Variants in KCNQ1 observed in about 807,000 individuals in gnomAD.
The protein encoded by KCNQ1 is potassium voltage-gated channel subfamily Q member 1.
KCNQ1 carries 49 observed loss-of-function variants against 72.4 expected under a neutral mutation model. The ratio of observed to expected loss-of-function variants is 0.68; its 90% CI spans 0.54 to 0.86. KCNQ1 has a LOEUF of 0.86. Among genes scored for constraint, KCNQ1 ranks in the 40% least tolerant of loss-of-function variants. KCNQ1 has a pLI of 0.00. For missense variants in KCNQ1, 790 were observed against 945.1 expected (o/e 0.84, Z 2.15); for synonymous variants, 450 against 412.6 (o/e 1.09, Z -1.10).
chr11:2,482,614 A>G lies in KCNQ1; in HGVS notation c.386+37130A>G, dbSNP rs190716652. Among the ~76,000 whole-genome samples the G allele has an allele frequency of 2.4e-4, 37 of 152,092 alleles. No individual in the cohort carries two copies. Among genetic ancestry groups the G allele is most frequent in the Non-Finnish European group, 4.9e-4 (33 of 67,996 alleles). On this transcript the variant is annotated intron_variant, in intron 1 of 15. Coordinates refer to ENST00000155840, the MANE Select transcript of KCNQ1 (RefSeq NM_000218.3). The surrounding 1 kb of genome is among the most constrained non-coding windows in gnomAD (Gnocchi z 5.7). Reference sequence around the variant, plus strand: ...GAGTGTTTTCCTAATTTAGCTTCCTACTGTGCTGCTGGACATCACTGACTC... The same window carrying G: ...GAGTGTTTTCCTAATTTAGCTTCCTGCTGTGCTGCTGGACATCACTGACTC...
intron 12 of KCNQ1, among the ~76,000 whole-genome samples, chr11:2,770,746 G>A (rs1307037511): frequency 6.6e-6 from 1 of 152,240 alleles, no homozygotes; most frequent in African/African-American, 2.4e-5. Context: ...GTGGACCAGG[G>A]TGTCTCCATT....
chr11:2,710,019 G>A lies in KCNQ1; in HGVS notation c.1514+47938G>A, dbSNP rs933718229. 1.5e-4 allele frequency among the ~76,000 whole-genome samples: 23 copies of A among 152,178 alleles called. No individual in the cohort carries two copies. The highest frequency in any genetic ancestry group is 5.5e-4 in the African/African-American group (23 of 41,442). ...GTATTCACAGAGGAGTAGAAACGCT[G>A]GGTCATATGGTGACTCCATATTTAA... is the stretch of plus-strand genomic sequence containing the variant. On this transcript the variant is annotated intron_variant, in intron 11 of 15. Transcript: ENST00000155840. The surrounding 1 kb of genome is among the most constrained non-coding windows in gnomAD (Gnocchi z 4.1).
rs1420112974 is a variant in KCNQ1 at position 2,723,164 on chromosome 11, T to C, written c.1515-45680T>C. 6.6e-6 allele frequency among the ~76,000 whole-genome samples: 1 copy of C among 152,218 alleles called. No individual in the cohort carries two copies. Among genetic ancestry groups the C allele is most frequent in the Admixed American group, 6.5e-5 (1 of 15,286 alleles). On this transcript the variant is annotated intron_variant, in intron 11 of 15. Transcript: ENST00000155840. This position sits in a 1 kb window ranked among gnomAD's most constrained non-coding sequence, Gnocchi z 4.2. ...TTCCTCTTGGCTCCGCCTTCCTCCG[T>C]GGTGGCCTGAGAGGGGTGTGGTGCT...
At position 2,598,441 on chromosome 11, in the gene KCNQ1, A is replaced by AAAT; in HGVS notation, c.1393+9590_1393+9592dup. Among the ~76,000 whole-genome samples, 1 of 152,284 alleles carries AAAT rather than the reference A, an allele frequency of 6.6e-6. No homozygotes were observed. Among genetic ancestry groups the AAAT allele is most frequent in the Non-Finnish European group, 1.5e-5 (1 of 68,022 alleles). On this transcript the variant is annotated intron_variant, in intron 10 of 15. Transcript: ENST00000155840. The surrounding 1 kb of genome is among the most constrained non-coding windows in gnomAD (Gnocchi z 6.2). Reference sequence around the variant, plus strand: ...AGATTTTCTTTGTCTCCAAGTATGAAAATAACATCATTATTTTTGTAAATG... The same window carrying AAAT: ...AGATTTTCTTTGTCTCCAAGTATGAAAATAATAACATCATTATTTTTGTAAATG...
rs373011559 is a variant in KCNQ1 at position 2,526,217 on chromosome 11, G to C, written c.387-1711G>C. On this transcript the variant is annotated intron_variant, in intron 1 of 15. Coordinates refer to ENST00000155840, the MANE Select transcript of KCNQ1 (RefSeq NM_000218.3). The surrounding 1 kb of genome is among the most constrained non-coding windows in gnomAD (Gnocchi z 6.1). ...GCACGACATGGAGGGTTCACTGACT[G>C]GCTGGGTGTGTGGGCTGGGGGCGCC... Among the ~76,000 whole-genome samples the C allele has an allele frequency of 6.6e-6, 1 of 152,134 alleles. No homozygotes were observed. Among genetic ancestry groups the C allele is most frequent in the Non-Finnish European group, 1.5e-5 (1 of 68,014 alleles).
At chr11:2,665,972 TGC>T (rs1473640018) in intron 11 of KCNQ1, 2 of 398,448 alleles carry the variant, frequency 5.0e-6, no homozygotes, top group African/African-American at 4.1e-5. Flanking sequence ...CATCCCCAAC[TGC>T]CAAGCCAGCC....
At position 2,817,106 on chromosome 11, in the gene KCNQ1, C is replaced by T. The variant is rs1847629806; in HGVS notation, c.1795-30661C>T. Among the ~76,000 whole-genome samples the T allele has an allele frequency of 1.3e-5, 2 of 152,288 alleles. No homozygotes were observed. Among genetic ancestry groups the T allele is most frequent in the Non-Finnish European group, 2.9e-5 (2 of 68,020 alleles). ...TAGTCCACATGCCCGACCCATGACC[C>T]AGGCCTGTGGCGCCAGCCTGCACCC... On this transcript the variant is annotated intron_variant, in intron 15 of 15. Transcript: ENST00000155840. This position sits in a 1 kb window ranked among gnomAD's most constrained non-coding sequence, Gnocchi z 6.1.
rs780010113 is a variant in KCNQ1, at chr11:2,827,330, C to T, written c.1795-20437C>T. 6.6e-6 allele frequency among the ~76,000 whole-genome samples: 1 copy of T among 152,126 alleles called. No individual in the cohort carries two copies. Among genetic ancestry groups the T allele is most frequent in the Non-Finnish European group, 1.5e-5 (1 of 68,014 alleles). ...CTGGTGAATCAGCCTGGCCCCAGAC[C>T]TCCTCTCTCTGCTTGCTTTCCTGTC... is the stretch of plus-strand genomic sequence containing the variant. On this transcript the variant is annotated intron_variant, in intron 15 of 15. Coordinates refer to ENST00000155840, the MANE Select transcript of KCNQ1 (RefSeq NM_000218.3). The surrounding 1 kb of genome is among the most constrained non-coding windows in gnomAD (Gnocchi z 6.7).
chr11:2,523,043 GC>G (rs1847416734), intron 1 of KCNQ1, among the ~76,000 whole-genome samples: 1 of 152,214 alleles, frequency 6.6e-6, no homozygotes, highest in Admixed American at 6.5e-5. Flanking sequence ...GGCAGGAGAG[GC>G]CCCTGCAGCT....
rs1056359098 is a variant in KCNQ1, at chr11:2,778,166, G to A, written c.1794+129G>A. The stretch of plus-strand genomic sequence containing the variant: ...CACCTTCCCGCCAGTGCCTACTGCA[G>A]CCTGCCCAGCAACTCCCAAGAGGGG... On this transcript the variant is annotated intron_variant, in intron 15 of 15. Coordinates refer to ENST00000155840, the MANE Select transcript of KCNQ1 (RefSeq NM_000218.3). 3.3e-6 allele frequency: 3 copies of A among 902,750 alleles called. No homozygotes were observed. The African/African-American group carries it at 4.9e-5, about 15-fold the overall frequency. 55.9% of individuals were successfully genotyped at this position (902,750 alleles called of 1,614,324 possible). A position where few individuals can be genotyped will look rare whatever the true frequency, so the allele number is the denominator to read the frequency against.
rs1846839555 is a variant in KCNQ1, at chr11:2,782,451, G to T, written c.1794+4414G>T. 6.6e-6 allele frequency among the ~76,000 whole-genome samples: 1 copy of T among 152,196 alleles called. No homozygotes were observed. Among genetic ancestry groups the T allele is most frequent in the African/African-American group, 2.4e-5 (1 of 41,454 alleles). On this transcript the variant is annotated intron_variant, in intron 15 of 15. Transcript: ENST00000155840. This position sits in a 1 kb window ranked among gnomAD's most constrained non-coding sequence, Gnocchi z 6.1. The stretch of plus-strand genomic sequence containing the variant: ...CATCAGGCTTTGGTGTCAAATGTAT[G>T]TGAGCCTCACAGACTAACTTAAGAA...
intron 15 of KCNQ1, among the ~76,000 whole-genome samples, chr11:2,802,759 G>A (rs1048240590): frequency 1.3e-5 from 2 of 152,180 alleles, no homozygotes; most frequent in African/African-American, 2.4e-5. Context: ...AAGACTGCGA[G>A]CTAGAGGGGA....
Position 2,694,739 on chromosome 11 carries a change from G to A in KCNQ1, c.1514+32658G>A, listed in dbSNP as rs1433666054. ...GAAGAGATAGGCAGCCAACAAATAA[G>A]TAGATGTCTAAGGAACTAGAAAAGC... On this transcript the variant is annotated intron_variant, in intron 11 of 15. Coordinates refer to ENST00000155840, the MANE Select transcript of KCNQ1 (RefSeq NM_000218.3). 17 of 398,648 alleles carry A rather than the reference G, an allele frequency of 4.3e-5. No homozygotes were observed. In the East Asian group the frequency reaches 5.0e-4, roughly 12 times the overall value. 24.7% of individuals were successfully genotyped at this position (398,648 alleles called of 1,614,324 possible). A position where few individuals can be genotyped will look rare whatever the true frequency, so the allele number is the denominator to read the frequency against.
rs1442530112 is a variant in KCNQ1 at position 2,782,449 on chromosome 11, A to T, written c.1794+4412A>T. ...TTCATCAGGCTTTGGTGTCAAATGT[A>T]TGTGAGCCTCACAGACTAACTTAAG... On this transcript the variant is annotated intron_variant, in intron 15 of 15. Coordinates refer to ENST00000155840, the MANE Select transcript of KCNQ1 (RefSeq NM_000218.3). This position sits in a 1 kb window ranked among gnomAD's most constrained non-coding sequence, Gnocchi z 6.1. Among the ~76,000 whole-genome samples the T allele has an allele frequency of 6.6e-6, 1 of 152,230 alleles. No individual in the cohort carries two copies. Among genetic ancestry groups the T allele is most frequent in the Non-Finnish European group, 1.5e-5 (1 of 68,050 alleles).
At position 2,473,580 on chromosome 11, in the gene KCNQ1, T is replaced by C. The variant is rs1283319709; in HGVS notation, c.386+28096T>C. 6.6e-6 allele frequency among the ~76,000 whole-genome samples: 1 copy of C among 152,190 alleles called. No homozygotes were observed. The highest frequency in any genetic ancestry group is 1.5e-5 in the Non-Finnish European group (1 of 68,024). Reference sequence around the variant, plus strand: ...TCAGCATGGCACAGACGCTCAGCCGTGTCATGTGGCTTGTAGAGCGAGGGT... The same window carrying C: ...TCAGCATGGCACAGACGCTCAGCCGCGTCATGTGGCTTGTAGAGCGAGGGT... On this transcript the variant is annotated intron_variant, in intron 1 of 15. Coordinates refer to ENST00000155840, the MANE Select transcript of KCNQ1 (RefSeq NM_000218.3). The surrounding 1 kb of genome is among the most constrained non-coding windows in gnomAD (Gnocchi z 6.0).
rs1258574303 is a variant in KCNQ1 at position 2,478,682 on chromosome 11, C to A, written c.386+33198C>A. Among the ~76,000 whole-genome samples, 1 of 152,142 alleles carries A rather than the reference C, an allele frequency of 6.6e-6. No individual in the cohort carries two copies. The highest frequency in any genetic ancestry group is 2.4e-5 in the African/African-American group (1 of 41,424). ...TCACGATGAGATTTGGGTGGGGACA[C>A]AGCCAAACCATATCATTCCACCCCG... On this transcript the variant is annotated intron_variant, in intron 1 of 15. Coordinates refer to ENST00000155840, the MANE Select transcript of KCNQ1 (RefSeq NM_000218.3). The surrounding 1 kb of genome is among the most constrained non-coding windows in gnomAD (Gnocchi z 4.0).
chr11:2,793,782 C>T (rs995556010), intron 15 of KCNQ1, among the ~76,000 whole-genome samples: 2 of 152,210 alleles, frequency 1.3e-5, no homozygotes, highest in East Asian at 3.8e-4. Flanking sequence ...CCTGGGGCTG[C>T]AGTGTGAGTA....
intron 6 of KCNQ1, among the ~76,000 whole-genome samples, chr11:2,575,250 G>GC (rs1260942431): frequency 6.6e-6 from 1 of 152,192 alleles, no homozygotes; most frequent in Non-Finnish European, 1.5e-5. Context: ...GCCCCTTTGT[G>GC]CCCGGCTTGG....
At position 2,651,294 on chromosome 11, in the gene KCNQ1, C is replaced by T; in HGVS notation, c.1394-10667C>T. 1 of 398,708 alleles carries T rather than the reference C, an allele frequency of 2.5e-6. No individual in the cohort carries two copies. The highest frequency in any genetic ancestry group is 4.4e-5 in the Admixed American group (1 of 22,746). The allele number at this position is 398,708 out of a possible 1,614,324, so 24.7% of individuals were successfully genotyped here. A position where few individuals can be genotyped will look rare whatever the true frequency, so the allele number is the denominator to read the frequency against. ...TATTGAGAAAGAGCTTCATGGTGGG[C>T]AGCTGGGAAGCTGCACAGAACACTC... On this transcript the variant is annotated intron_variant, in intron 10 of 15. Coordinates refer to ENST00000155840, the MANE Select transcript of KCNQ1 (RefSeq NM_000218.3). The surrounding 1 kb of genome is among the most constrained non-coding windows in gnomAD (Gnocchi z 6.1).
Sources: gnomAD v4.1 joint callset for allele counts (sites outside exome capture counted in the v4.1 genomes callset) on GRCh38, gnomAD v4.1.1 for gene constraint, Gnocchi (gnomAD v3.1) non-coding constraint, MANE v1.5 for transcripts, NCBI Gene and HGNC (gene_info 2026-07-23, HGNC 2026-07-21) for gene names.